RGL1: variants seen among roughly 807,000 people sequenced by gnomAD.
RGL1 encodes the protein ral guanine nucleotide dissociation stimulator like 1, also known as ral guanine nucleotide dissociation stimulator-like 1.
RGL1 carries 24 observed loss-of-function variants against 95.2 expected under a neutral mutation model. The ratio of observed to expected loss-of-function variants is 0.25; its 90% confidence interval spans 0.18 to 0.35. The LOEUF (loss-of-function observed/expected upper bound fraction) is 0.35. RGL1 is among the 10% of genes least tolerant of loss of function. The pLI is 1.00. For missense variants in RGL1, 715 were observed against 936.3 expected (o/e 0.76, Z 3.08); for synonymous variants, 329 against 344.9 (o/e 0.95, Z 0.51).
At chr1:183,681,905 A>T (rs1262320296) in intron 1 of RGL1, among the ~76,000 whole-genome samples, 2 of 152,090 alleles carry the variant, frequency 1.3e-5, no homozygotes, top group Non-Finnish European at 2.9e-5. Context: ...TAGTCTTGGG[A>T]GGGTGTATGT....
intron 2 of RGL1, among the ~76,000 whole-genome samples, chr1:183,785,587 C>T (rs1319958643): frequency 6.6e-6 from 1 of 152,170 alleles, no homozygotes; most frequent in Non-Finnish European, 1.5e-5. Flanking sequence ...TCATGTCCAG[C>T]ACCCAGCACA....
chr1:183,702,637 A>G (rs1009481521), intron 1 of RGL1, among the ~76,000 whole-genome samples: 1 of 152,136 alleles, frequency 6.6e-6, no homozygotes, highest in Non-Finnish European at 1.5e-5. Flanking sequence ...CCCTTCATAC[A>G]GTGGGGATCC....
intron 2 of RGL1, among the ~76,000 whole-genome samples, chr1:183,752,788 A>C (rs1658107301): frequency 6.6e-6 from 1 of 150,668 alleles, no homozygotes; most frequent in South Asian, 2.1e-4. Context: ...ATAGAATTAT[A>C]GTTCTTTGAG....
chr1:183,779,176 CT>C, intron 2 of RGL1, among the ~76,000 whole-genome samples: 1 of 121,834 alleles, frequency 8.2e-6, no homozygotes, highest in African/African-American at 3.1e-5. Flanking sequence ...TCCTTCCTTC[CT>C]TCCTTCCTTC....
intron 16 of RGL1, among the ~76,000 whole-genome samples, chr1:183,920,485 G>T (rs187257560): frequency 1.4e-3 from 213 of 152,308 alleles, no homozygotes; most frequent in Admixed American, 2.4e-3. Flanking sequence ...ATTCAGCATC[G>T]CTTTGATGGT....
chr1:183,738,498 C>A (rs7552887), intron 1 of RGL1, among the ~76,000 whole-genome samples: 70,490 of 152,084 alleles, frequency 0.46, 17,214 homozygotes, highest in East Asian at 0.78. Flanking sequence ...AGTGGAAAGT[C>A]TACATATGCC....
chr1:183,856,599 A>G (rs1221055611), intron 3 of RGL1, among the ~76,000 whole-genome samples: 2 of 150,158 alleles, frequency 1.3e-5, no homozygotes, highest in Non-Finnish European at 3.0e-5. Flanking sequence ...ATGTGACCAG[A>G]ATTGTTATTA....
intron 1 of RGL1, among the ~76,000 whole-genome samples, chr1:183,645,132 G>T (rs1177735204): frequency 6.6e-6 from 1 of 152,210 alleles, no homozygotes; most frequent in Admixed American, 6.5e-5. Flanking sequence ...GCAACCTTAT[G>T]ATAATTTGGC....
intron 1 of RGL1, among the ~76,000 whole-genome samples, chr1:183,715,440 C>G (rs1362826845): frequency 6.6e-6 from 1 of 152,096 alleles, no homozygotes; most frequent in Admixed American, 6.6e-5. Flanking sequence ...ACACGTCTGT[C>G]TCCCAGGATA....
chr1:183,826,134 A>G (rs976017333), intron 2 of RGL1, among the ~76,000 whole-genome samples: 2 of 151,992 alleles, frequency 1.3e-5, no homozygotes, highest in Non-Finnish European at 1.5e-5. Flanking sequence ...GCTCACCGCA[A>G]GCTCCGCCTC....
chr1:183,841,830 G>A (rs1362941360), intron 2 of RGL1, among the ~76,000 whole-genome samples: 1 of 152,186 alleles, frequency 6.6e-6, no homozygotes, highest in Non-Finnish European at 1.5e-5. Flanking sequence ...TACAGGTGGA[G>A]TATCCTTAAT....
In RGL1 at chr1:183,733,645, T is replaced by C. The variant is rs188834745; in HGVS notation, c.-32-8481T>C. Among the ~76,000 whole-genome samples, 952 of 152,312 alleles carry C rather than the reference T, an allele frequency of 6.3e-3. 3 individuals carry two copies. Among genetic ancestry groups the C allele is most frequent in the Middle Eastern group, 0.01 (3 of 294 alleles). ...ATTTATTTCCATTCCAGAGGATTTA[T>C]TCCCATTCAGAGAAGGAACAACATA... On this transcript the variant is annotated intron_variant, in intron 1 of 18. Transcript: ENST00000304685.
intron 2 of RGL1, among the ~76,000 whole-genome samples, chr1:183,756,243 G>A (rs1166885230): frequency 2.0e-5 from 3 of 151,494 alleles, no homozygotes; most frequent in South Asian, 2.1e-4. Flanking sequence ...CCAGGCTGGA[G>A]TGCAACTTTG....
At chr1:183,876,971 A>T (rs1341657175) in intron 4 of RGL1, among the ~76,000 whole-genome samples, 1 of 152,212 alleles carries the variant, frequency 6.6e-6, no homozygotes, top group African/African-American at 2.4e-5. Flanking sequence ...AGGTATCTCA[A>T]AATGTCCTTA....
chr1:183,777,923 T>C (rs116194708), intron 2 of RGL1, among the ~76,000 whole-genome samples: 152 of 152,202 alleles, frequency 1.0e-3, no homozygotes, highest in African/African-American at 3.3e-3. Flanking sequence ...CCCAACCCTA[T>C]TGATACTGAG....
intron 2 of RGL1, among the ~76,000 whole-genome samples, chr1:183,774,735 C>T (rs2102339428): frequency 6.6e-6 from 1 of 151,862 alleles, no homozygotes; most frequent in South Asian, 2.1e-4. Context: ...GCCACCATGC[C>T]CGGCTAATTT....
At chr1:183,700,160 C>T (rs1360235912) in intron 1 of RGL1, among the ~76,000 whole-genome samples, 1 of 152,114 alleles carries the variant, frequency 6.6e-6, no homozygotes, top group Non-Finnish European at 1.5e-5. Flanking sequence ...GGGAATTGCC[C>T]ACCCATTTAA....
intron 1 of RGL1, among the ~76,000 whole-genome samples, chr1:183,672,399 A>C (rs1652529271): frequency 6.6e-6 from 1 of 152,186 alleles, no homozygotes; most frequent in African/African-American, 2.4e-5. Flanking sequence ...TCAACAGATA[A>C]AAATATTTCT....
intron 1 of RGL1, among the ~76,000 whole-genome samples, chr1:183,737,768 TTC>T (rs1229689770): frequency 2.0e-5 from 3 of 152,158 alleles, no homozygotes; most frequent in Non-Finnish European, 1.5e-5. Flanking sequence ...CCAAACAATT[TTC>T]TTTTTTAATT....
Sources: gnomAD v4.1 joint callset for allele counts (sites outside exome capture counted in the v4.1 genomes callset) on GRCh38, gnomAD v4.1.1 for gene constraint, MANE v1.5 for transcripts, NCBI Gene and HGNC (gene_info 2026-07-23, HGNC 2026-07-21) for gene names.